MDM1: variants seen among roughly 807,000 people sequenced by gnomAD.
MDM1 encodes stabilizer of axonemal microtubules 6.
Under a neutral mutation model 89.1 loss-of-function variants are expected in MDM1, and 61 were observed. The ratio of observed to expected loss-of-function variants is 0.68; its 90% CI spans 0.56 to 0.85. The LOEUF (loss-of-function observed/expected upper bound fraction) is 0.85, where lower values mean the gene tolerates loss of function less well. MDM1 is among the 40% of genes least tolerant of loss of function. The probability of loss-of-function intolerance (pLI) is 0.00; values close to 1 mark genes in which losing one functional copy is unlikely to be tolerated. For missense variants in MDM1, 820 were observed against 846.5 expected (o/e 0.97, Z 0.39); for synonymous variants, 290 against 294.1 (o/e 0.99, Z 0.14).
At chr12:68,299,229 C>T (rs1351669678) in intron 13 of MDM1, among the ~76,000 whole-genome samples, 5 of 151,912 alleles carry the variant, frequency 3.3e-5, no homozygotes, top group South Asian at 2.1e-4. Context: ...TATGACAAAA[C>T]AAGGTTCTAT....
intron 14 of MDM1, among the ~76,000 whole-genome samples, chr12:68,296,401 G>A (rs1335872604): frequency 6.6e-6 from 1 of 152,202 alleles, no homozygotes; most frequent in East Asian, 1.9e-4. Context: ...GGGAGGCTGA[G>A]GCAGGAGAAT....
At chr12:68,323,267 G>C (rs1426575956) in intron 4 of MDM1, 27 bp from the exon 5 acceptor site, 1 of 1,498,854 alleles carries the variant, frequency 6.7e-7, no homozygotes, top group Non-Finnish European at 8.9e-7. Context: ...TTTTAGTTTA[G>C]TTTTGTTGAT....
chr12:68,306,238 C>A (rs1872873173), intron 12 of MDM1, among the ~76,000 whole-genome samples: 1 of 151,316 alleles, frequency 6.6e-6, no homozygotes, highest in African/African-American at 2.5e-5. Context: ...AATTGGACCC[C>A]TATCTCTCAC....
rs115981112 is a variant in MDM1, at chr12:68,302,178, A to G, written c.2002+442T>C. Among the ~76,000 whole-genome samples, 879 of 152,338 alleles carry G rather than the reference A, an allele frequency of 5.8e-3. 9 individuals carry two copies. The highest frequency in any genetic ancestry group is 0.019 in the African/African-American group (796 of 41,570). Reference sequence around the variant, plus strand: ...AGAAAGAAAACACCACACATAGAAGATCCAGAATAAAAGGAGCATCTGACT... The same window carrying G: ...AGAAAGAAAACACCACACATAGAAGGTCCAGAATAAAAGGAGCATCTGACT... On this transcript the variant is annotated intron_variant, in intron 13 of 14. Coordinates refer to ENST00000682720, the MANE Select transcript of MDM1 (RefSeq NM_001354969.2).
In MDM1 at chr12:68,332,254, G is replaced by T. The variant is rs771162551; in HGVS notation, c.-9C>A. 1.3e-6 allele frequency: 2 copies of T among 1,582,710 alleles called. No individual in the cohort carries two copies. The highest frequency in any genetic ancestry group is 1.3e-5 in the African/African-American group (1 of 74,200). On this transcript the variant is annotated 5_prime_UTR_variant, in exon 1 of 15. Coordinates refer to ENST00000682720, the MANE Select transcript of MDM1 (RefSeq NM_001354969.2). Reference sequence around the variant, plus strand: ...TTGAAGCGCACCGGCATGTCGCCCGGCGCCGGAGCCCCCGCTACTCCGACA... The same window carrying T: ...TTGAAGCGCACCGGCATGTCGCCCGTCGCCGGAGCCCCCGCTACTCCGACA...
At chr12:68,296,859 G>A (rs1871462233) in intron 14 of MDM1, 64 bp downstream of exon 14, 1 of 1,114,520 alleles carries the variant, frequency 9.0e-7, no homozygotes, top group South Asian at 1.8e-5. Context: ...CTAATCAAAT[G>A]TAAAGCCATT....
intron 14 of MDM1, among the ~76,000 whole-genome samples, chr12:68,296,492 G>A (rs554755580): frequency 1.3e-5 from 2 of 152,298 alleles, no homozygotes; most frequent in African/African-American, 4.8e-5. Flanking sequence ...GCGAGACTCC[G>A]TCTCAAAAAC....
At chr12:68,329,617 T>C (rs1341624777) in intron 2 of MDM1, among the ~76,000 whole-genome samples, 2 of 152,170 alleles carry the variant, frequency 1.3e-5, no homozygotes, top group African/African-American at 4.8e-5. Context: ...GCTATTATAA[T>C]TCAAATTTAG....
Position 68,313,760 on chromosome 12 carries a change from A to G in MDM1, c.1530-7T>C. 1 of 1,587,514 alleles carries G rather than the reference A, an allele frequency of 6.3e-7. No homozygotes were observed. Among genetic ancestry groups the G allele is most frequent in the Non-Finnish European group, 8.6e-7 (1 of 1,156,472 alleles). On this transcript the variant is annotated splice_polypyrimidine_tract_variant and splice_region_variant and intron_variant, in intron 10 of 14. Coordinates refer to ENST00000682720, the MANE Select transcript of MDM1 (RefSeq NM_001354969.2). ...GGATACAGAAGAATCTGACCTATAAATTGAAACAATCTATGAATCTATACA... is the reference window on the plus strand; with the variant it reads ...GGATACAGAAGAATCTGACCTATAAGTTGAAACAATCTATGAATCTATACA...
chr12:68,328,023 C>T (rs192514840), intron 2 of MDM1, among the ~76,000 whole-genome samples: 67 of 152,268 alleles, frequency 4.4e-4, no homozygotes, highest in African/African-American at 1.1e-3. Flanking sequence ...CATTTCCCAC[C>T]GCCCCTTTCA....
In MDM1 at chr12:68,325,717, C is replaced by T. The variant is rs112543249; in HGVS notation, c.499-142G>A. 1.5e-4 allele frequency: 197 copies of T among 1,297,786 alleles called. No individual in the cohort carries two copies. In the African/African-American group the frequency reaches 2.0e-3, roughly 13 times the overall value. The allele number at this position is 1,297,786 out of a possible 1,614,324, so 80.4% of individuals were successfully genotyped here. A position where few individuals can be genotyped will look rare whatever the true frequency, so the allele number is the denominator to read the frequency against. On this transcript the variant is annotated intron_variant, in intron 3 of 14. Coordinates refer to ENST00000682720, the MANE Select transcript of MDM1 (RefSeq NM_001354969.2). Reference sequence around the variant, plus strand: ...ACAGTGCAAAATTGTTAACTACATGCGCATTGTGGTACAGCAAACTTTCTT... The same window carrying T: ...ACAGTGCAAAATTGTTAACTACATGTGCATTGTGGTACAGCAAACTTTCTT...
At chr12:68,327,390 G>C (rs1377756906) in intron 2 of MDM1, 2 of 1,535,074 alleles carry the variant, frequency 1.3e-6, no homozygotes, top group Admixed American at 3.9e-5. Flanking sequence ...CAGAACAATG[G>C]GCCCTGGTAC....
rs761483086 is a variant in MDM1 at position 68,326,854 on chromosome 12, C to T, written c.301G>A (p.Asp101Asn). The T allele has an allele frequency of 5.0e-6, 8 of 1,613,810 alleles. No individual in the cohort carries two copies. The African/African-American group carries it at 1.1e-4, about 22-fold the overall frequency. ...TPKSQEAEQKDVTQERVHSLE... is the reference protein window; with the variant it reads ...TPKSQEAEQKNVTQERVHSLE... ...GAGTGAACTCTTTCTTGAGTAACAT[C>T]CTTTTGTTCTGCTTCTTGTGATTTT... Residue 101 changes from aspartate (D) to asparagine (N), a missense_variant, in exon 3 of 15, where the codon GAT becomes AAT. Coordinates refer to ENST00000682720, the MANE Select transcript of MDM1 (RefSeq NM_001354969.2).
At chr12:68,301,754 A>AT (rs112024959) in intron 13 of MDM1, among the ~76,000 whole-genome samples, 1,658 of 147,280 alleles carry the variant, frequency 0.011, 26 homozygotes, top group African/African-American at 0.037. Flanking sequence ...AAGGAGAGAA[A>AT]TTTTTTTTTT....
chr12:68,326,076 TG>T, intron 3 of MDM1: 2 of 998,862 alleles, frequency 2.0e-6, no homozygotes, highest in East Asian at 1.1e-4. Flanking sequence ...AGAAGAGCAG[TG>T]GAACAGAATG....
chr12:68,294,953 A>AT lies in MDM1; in HGVS notation c.*300dup, dbSNP rs1871182253. On this transcript the variant is annotated 3_prime_UTR_variant, in exon 15 of 15. Coordinates refer to ENST00000682720, the MANE Select transcript of MDM1 (RefSeq NM_001354969.2). ...TCTTAACTTTTACTTCACTTTGTTT[A>AT]TTTTTTTAGAATACTCTCTGGATAG... 1 of 166,942 alleles carries AT rather than the reference A, an allele frequency of 6.0e-6. No individual in the cohort carries two copies. The highest frequency in any genetic ancestry group is 1.3e-5 in the Non-Finnish European group (1 of 77,778). 10.3% of individuals were successfully genotyped at this position (166,942 alleles called of 1,614,324 possible).
chr12:68,307,274 G>A (rs1409248273), intron 12 of MDM1, among the ~76,000 whole-genome samples: 1 of 152,146 alleles, frequency 6.6e-6, no homozygotes, highest in Admixed American at 6.5e-5. Flanking sequence ...TTCAATAGAA[G>A]CCCAAACCCC....
At chr12:68,318,771 T>C (rs1874827585) in intron 7 of MDM1, among the ~76,000 whole-genome samples, 1 of 152,198 alleles carries the variant, frequency 6.6e-6, no homozygotes, top group South Asian at 2.1e-4. Flanking sequence ...CCAAGTAATG[T>C]TATCATATTA....
chr12:68,327,498 C>T (rs752027082), intron 2 of MDM1: 2 of 1,535,816 alleles, frequency 1.3e-6, no homozygotes, highest in South Asian at 2.4e-5. Flanking sequence ...GGTTCTACAT[C>T]TGCCTTGATT....
Sources: allele counts gnomAD v4.1 joint callset (sites outside exome capture counted in the v4.1 genomes callset), GRCh38; gene constraint gnomAD v4.1.1; transcripts MANE v1.5; gene names NCBI Gene and HGNC (gene_info 2026-07-23, HGNC 2026-07-21).